COL11A1: variants seen among roughly 807,000 people sequenced by gnomAD.
COL11A1 encodes collagen type XI alpha 1 chain, also known as collagen alpha-1(XI) chain.
COL11A1 carries 74 observed loss-of-function variants against 265.2 expected under a neutral mutation model. That is an observed-to-expected ratio of 0.28 (90% CI 0.23 to 0.34). COL11A1 has a LOEUF of 0.34. COL11A1 is among the 10% of genes least tolerant of loss of function. COL11A1 has a pLI of 1.00. For synonymous variants in COL11A1, 816 were observed against 727.6 expected (o/e 1.12, Z -1.96); for missense variants, 2,165 against 2,263.6 (o/e 0.96, Z 0.88).
chr1:103,001,948 G>T lies in COL11A1; in HGVS notation c.2119C>A (p.Pro707Thr). The stretch of plus-strand genomic sequence containing the variant: ...ACTTTTTCACCAGGAGGACCAATTG[G>T]ACCTTGTGGACCAGGAAGACCCTAT... Reference protein sequence around the residue: ...GPQGLPGPQGPIGPPGEKGPQ... With the variant: ...GPQGLPGPQGTIGPPGEKGPQ... The change falls in exon 24 of 67, where the codon CCA becomes ACA. Residue 707 changes from proline to threonine, a missense_variant. Coordinates refer to ENST00000370096, the MANE Select transcript of COL11A1 (RefSeq NM_001854.4). The T allele has an allele frequency of 6.2e-7, 1 of 1,613,252 alleles. No individual in the cohort carries two copies. The highest frequency in any genetic ancestry group is 8.5e-7 in the Non-Finnish European group (1 of 1,179,302).
rs746495082 is a variant in COL11A1 at position 102,898,990 on chromosome 1, G to T, written c.4091C>A (p.Pro1364His). ...TCCCTCTGCACCTGCAGCTCCAGGAGGACCCTATAGACATAAGATTTATTG... is the reference window on the plus strand; with the variant it reads ...TCCCTCTGCACCTGCAGCTCCAGGATGACCCTATAGACATAAGATTTATTG... ...GPPGPPGKRG[P>H]PGAAGAEGRQ... Residue 1364 changes from proline (P) to histidine (H), a missense_variant, in exon 55 of 67, where the codon CCT (proline) becomes CAT (histidine). Physicochemically the swap from Pro to His is moderately conservative, Grantham distance 77. Coordinates refer to ENST00000370096, the MANE Select transcript of COL11A1 (RefSeq NM_001854.4). The T allele has an allele frequency of 7.8e-6, 12 of 1,539,068 alleles. No individual in the cohort carries two copies. The highest frequency in any genetic ancestry group is 1.1e-5 in the Non-Finnish European group (12 of 1,134,390).
chr1:103,093,588 A>G (rs562058662), intron 1 of COL11A1, among the ~76,000 whole-genome samples: 2 of 152,186 alleles, frequency 1.3e-5, no homozygotes, highest in Admixed American at 6.6e-5. Context: ...GCTAACCCCA[A>G]GCCTTGAAGG....
chr1:102,964,587 G>GGGGGGT (rs1553219266), intron 38 of COL11A1, among the ~76,000 whole-genome samples: 4 of 149,422 alleles, frequency 2.7e-5, no homozygotes, highest in African/African-American at 9.8e-5. Context: ...TTTCTCTAGG[G>GGGGGGT]GTGTGTGTGT....
rs141045560 is a variant in COL11A1 at position 103,082,606 on chromosome 1, TTTTCA to T, written c.274+194_274+198del. ...CTGGCAATTATCAAATTTTTTGTTA[TTTTCA>T]TTACATTACTTTGGTGACCACAAGG... On this transcript the variant is annotated intron_variant, in intron 2 of 66. Coordinates refer to ENST00000370096, the MANE Select transcript of COL11A1 (RefSeq NM_001854.4). Among the ~76,000 whole-genome samples the T allele has an allele frequency of 0.024, 3,662 of 152,204 alleles. 55 individuals carry two copies. The highest frequency in any genetic ancestry group is 0.051 in the Middle Eastern group (15 of 294).
chr1:103,026,687 C>T (rs1450044553), intron 5 of COL11A1, among the ~76,000 whole-genome samples: 1 of 151,992 alleles, frequency 6.6e-6, no homozygotes, highest in Non-Finnish European at 1.5e-5. Context: ...GTAAAAATTG[C>T]TATGCAATGT....
At chr1:103,100,539 A>C (rs1053359911) in intron 1 of COL11A1, 1 of 152,484 alleles carries the variant, frequency 6.6e-6, no homozygotes, top group East Asian at 1.9e-4. Flanking sequence ...CTGAAGAGCT[A>C]TCTGGATTCT....
chr1:102,927,230 T>C (rs1235309365), intron 46 of COL11A1, among the ~76,000 whole-genome samples: 1 of 152,154 alleles, frequency 6.6e-6, no homozygotes, highest in Non-Finnish European at 1.5e-5. Flanking sequence ...CTAGATGACT[T>C]AATTTACCAT....
intron 36 of COL11A1, among the ~76,000 whole-genome samples, chr1:102,974,208 C>T (rs915462911): frequency 6.6e-6 from 1 of 151,788 alleles, no homozygotes; most frequent in Non-Finnish European, 1.5e-5. Flanking sequence ...AAAAAAGACC[C>T]CAGTATGTTC....
intron 4 of COL11A1, among the ~76,000 whole-genome samples, chr1:103,038,980 T>C (rs1668599884): frequency 6.6e-6 from 1 of 152,152 alleles, no homozygotes; most frequent in Non-Finnish European, 1.5e-5. Flanking sequence ...TTCTGCAGTT[T>C]CTCAAGTAAG....
chr1:102,878,909 C>T (rs1272472811), intron 66 of COL11A1, among the ~76,000 whole-genome samples: 1 of 152,068 alleles, frequency 6.6e-6, no homozygotes, highest in Non-Finnish European at 1.5e-5. Context: ...CTATAACACA[C>T]AAGGTCAAAT....
chr1:103,003,035 T>A (rs573408189), intron 21 of COL11A1, among the ~76,000 whole-genome samples, 180 bp downstream of exon 21: 1 of 151,956 alleles, frequency 6.6e-6, no homozygotes, highest in East Asian at 1.9e-4. Flanking sequence ...AGATAGATAA[T>A]CAAAAGGAAG....
In COL11A1 at chr1:102,945,247, A is replaced by ACTCTCTCTCT. The variant is rs3056651; in HGVS notation, c.3276+1592_3276+1601dup. Among the ~76,000 whole-genome samples, 135 of 129,238 alleles carry ACTCTCTCTCT rather than the reference A, an allele frequency of 1.0e-3. 4 individuals carry two copies. Among genetic ancestry groups the ACTCTCTCTCT allele is most frequent in the Admixed American group, 1.3e-3 (16 of 12,572 alleles). 84.8% of individuals were successfully genotyped at this position (129,238 alleles called of 152,430 possible). On this transcript the variant is annotated intron_variant, in intron 42 of 66. Coordinates refer to ENST00000370096, the MANE Select transcript of COL11A1 (RefSeq NM_001854.4). Reference sequence around the variant, plus strand: ...AACAAAGGGAATTTGTTTTCTTTTTACTCTCTCTCTCTCTCTCTCTCTCTC... The same window carrying ACTCTCTCTCT: ...AACAAAGGGAATTTGTTTTCTTTTTACTCTCTCTCTCTCTCTCTCTCTCTCTCTCTCTCTC...
rs190127466 is a variant in COL11A1 at position 103,083,519 on chromosome 1, T to G, written c.107-547A>C. Among the ~76,000 whole-genome samples the G allele has an allele frequency of 2.5e-4, 38 of 152,226 alleles. No homozygotes were observed. The Middle Eastern group carries it at 0.01, about 41-fold the overall frequency. On this transcript the variant is annotated intron_variant, in intron 1 of 66. Coordinates refer to ENST00000370096, the MANE Select transcript of COL11A1 (RefSeq NM_001854.4). ...TGTACAATGGATGTTATATGTAAAC[T>G]CTGTAAAATGTGCACCTACTTAGTC...
rs1666761907 is a variant in COL11A1, at chr1:103,018,739, G to A, written c.1350+79C>T. On this transcript the variant is annotated intron_variant, in intron 10 of 66. Coordinates refer to ENST00000370096, the MANE Select transcript of COL11A1 (RefSeq NM_001854.4). ...TTCAATATTCTAATTAGTCTAAAAT[G>A]TTCTCATTCAGTAATTAATAGAAAT... is the stretch of plus-strand genomic sequence containing the variant. 4 of 1,115,640 alleles carry A rather than the reference G, an allele frequency of 3.6e-6. No homozygotes were observed. In the Admixed American group the frequency reaches 5.5e-5, roughly 15 times the overall value. The allele number at this position is 1,115,640 out of a possible 1,614,324, so 69.1% of individuals were successfully genotyped here. A position where few individuals can be genotyped will look rare whatever the true frequency, so the allele number is the denominator to read the frequency against.
intron 4 of COL11A1, among the ~76,000 whole-genome samples, chr1:103,064,503 C>T (rs1670923396): frequency 6.6e-6 from 1 of 151,744 alleles, no homozygotes; most frequent in South Asian, 2.1e-4. Context: ...TCGTGGCTAA[C>T]ACGGTGAAAA....
chr1:103,011,981 C>T (rs1299285392), intron 14 of COL11A1, among the ~76,000 whole-genome samples: 2 of 152,076 alleles, frequency 1.3e-5, no homozygotes, highest in South Asian at 2.1e-4. Flanking sequence ...AGGCAACCTG[C>T]GGTTTAAAAA....
At position 103,078,737 on chromosome 1, in the gene COL11A1, A is replaced by C. The variant is rs889868652; in HGVS notation, c.409T>G (p.Phe137Val). ...TTTCCAGTGTGGTCTTCAAACAGAA[A>C]AACAGGTGATCTCCCAACCTCAACA... ...IGVEVGRSPV[F>V]LFEDHTGKPA... The change falls in exon 3 of 67, where the codon TTT becomes GTT. Residue 137 changes from phenylalanine to valine, a missense_variant. By Grantham distance (50) the Phe-to-Val change is conservative. Transcript: ENST00000370096. The C allele has an allele frequency of 5.0e-6, 8 of 1,613,364 alleles. No individual in the cohort carries two copies. The highest frequency in any genetic ancestry group is 6.8e-6 in the Non-Finnish European group (8 of 1,179,658).
Position 103,002,460 on chromosome 1 carries a change from G to A in COL11A1, c.2065C>T (p.Pro689Ser). ...CCTGGATTCCCTTGTTGACCTGGAGGCCCAGGCTCCCCTTGGGGACCCTGC... is the reference window on the plus strand; with the variant it reads ...CCTGGATTCCCTTGTTGACCTGGAGACCCAGGCTCCCCTTGGGGACCCTGC... ...GNMGPQGEPG[P>S]PGQQGNPGPQ... is the part of the protein sequence containing the mutation. Residue 689 changes from proline to serine, a missense_variant, in exon 23 of 67, where the codon CCT becomes TCT. Physicochemically the swap from Pro to Ser is moderately conservative, Grantham distance 74. Coordinates refer to ENST00000370096, the MANE Select transcript of COL11A1 (RefSeq NM_001854.4). 1.2e-6 allele frequency: 2 copies of A among 1,609,896 alleles called. No homozygotes were observed. Among genetic ancestry groups the A allele is most frequent in the Non-Finnish European group, 1.7e-6 (2 of 1,178,230 alleles).
chr1:102,924,326 A>G (rs2101094148), intron 46 of COL11A1, among the ~76,000 whole-genome samples: 1 of 152,372 alleles, frequency 6.6e-6, no homozygotes, highest in East Asian at 1.9e-4. Context: ...AGACAGAAAG[A>G]TTGCACTCAA....
Sources: allele counts gnomAD v4.1 joint callset (sites outside exome capture counted in the v4.1 genomes callset), GRCh38; gene constraint gnomAD v4.1.1; transcripts MANE v1.5; gene names NCBI Gene and HGNC (gene_info 2026-07-23, HGNC 2026-07-21).